Variants in CPEB1 observed in about 807,000 individuals in gnomAD.
CPEB1 encodes cytoplasmic polyadenylation element-binding protein 1.
A neutral mutation model predicts 65.8 loss-of-function variants in CPEB1; 7 were observed. The observed-to-expected ratio is 0.11, with a 90% confidence interval of 0.06 to 0.20. The LOEUF is 0.20. Ranked by LOEUF, CPEB1 falls within the 10% of genes least tolerant of loss-of-function variation. The pLI, the probability that CPEB1 is intolerant of heterozygous loss-of-function variation, is 1.00. For synonymous variants in CPEB1, 262 were observed against 260.0 expected, an observed-to-expected ratio of 1.01 and a Z score of -0.08; for missense variants, 551 against 712.2, an observed-to-expected ratio of 0.77 and a Z score of 2.58.
intron 3 of CPEB1, among the ~76,000 whole-genome samples, chr15:82,608,685 G>A (rs560031027): frequency 6.6e-6 from 1 of 152,222 alleles, no homozygotes; most frequent in East Asian, 1.9e-4. Context: ...TTTTTTGCTA[G>A]TGTTCTCATT....
chr15:82,625,842 G>C (rs2045718911), intron 3 of CPEB1, among the ~76,000 whole-genome samples: 1 of 152,204 alleles, frequency 6.6e-6, no homozygotes, highest in African/African-American at 2.4e-5. Flanking sequence ...AAACAGGCCA[G>C]GCACAGTGGC....
chr15:82,643,604 G>C (rs1183079439), intron 1 of CPEB1, among the ~76,000 whole-genome samples: 2 of 151,690 alleles, frequency 1.3e-5, no homozygotes, highest in Non-Finnish European at 2.9e-5. Flanking sequence ...ACTCCAGCTT[G>C]GGCAACAGAG....
chr15:82,590,558 T>TA (rs2042168942), intron 3 of CPEB1, among the ~76,000 whole-genome samples: 2 of 152,264 alleles, frequency 1.3e-5, no homozygotes, highest in East Asian at 3.9e-4. Context: ...GTTATATGAG[T>TA]AAACTCGTGA....
chr15:82,615,916 C>CA (rs1016556450), intron 3 of CPEB1, among the ~76,000 whole-genome samples: 9 of 151,658 alleles, frequency 5.9e-5, no homozygotes, highest in African/African-American at 2.2e-4. Context: ...TTTATAATAG[C>CA]AAAAAATATA....
intron 4 of CPEB1, among the ~76,000 whole-genome samples, chr15:82,559,367 G>C (rs1277053443): frequency 2.0e-5 from 3 of 152,046 alleles, no homozygotes; most frequent in Non-Finnish European, 4.4e-5. Flanking sequence ...TTTAACACAG[G>C]GGAAACTGTA....
At chr15:82,623,919 T>C (rs765602059) in intron 3 of CPEB1, among the ~76,000 whole-genome samples, 4 of 152,182 alleles carry the variant, frequency 2.6e-5, no homozygotes, top group Non-Finnish European at 5.9e-5. Flanking sequence ...ATAGCTCTCC[T>C]ATCATTTACT....
At chr15:82,547,949 T>C (rs2035557387) in intron 10 of CPEB1, among the ~76,000 whole-genome samples, 1 of 152,192 alleles carries the variant, frequency 6.6e-6, no homozygotes, top group African/African-American at 2.4e-5. Context: ...GCCAGGATTA[T>C]AGGTATAAGC....
chr15:82,626,920 A>G (rs1381413101), intron 3 of CPEB1, among the ~76,000 whole-genome samples: 3 of 152,246 alleles, frequency 2.0e-5, no homozygotes, highest in Non-Finnish European at 4.4e-5. Context: ...GATCCACATT[A>G]TATCTCTTTA....
intron 1 of CPEB1, among the ~76,000 whole-genome samples, chr15:82,643,326 A>C (rs2047247808): frequency 6.6e-6 from 1 of 152,094 alleles, no homozygotes; most frequent in Admixed American, 6.5e-5. Context: ...TATGCTTTTT[A>C]CTCCTTTAAA....
At chr15:82,631,757 T>C (rs2046265128) in intron 1 of CPEB1, among the ~76,000 whole-genome samples, 2 of 152,262 alleles carry the variant, frequency 1.3e-5, no homozygotes, top group South Asian at 4.1e-4. Flanking sequence ...TCTTAATCAT[T>C]TGACTTAAAA....
chr15:82,575,507 T>C (rs1444218354), intron 3 of CPEB1, among the ~76,000 whole-genome samples: 2 of 152,068 alleles, frequency 1.3e-5, no homozygotes, highest in Admixed American at 6.5e-5. Context: ...CTCATCAAGA[T>C]ACCACTAAGA....
At chr15:82,580,849 C>CTTTTT (rs113794355) in intron 3 of CPEB1, among the ~76,000 whole-genome samples, 5 of 147,230 alleles carry the variant, frequency 3.4e-5, no homozygotes, top group Non-Finnish European at 4.5e-5. Flanking sequence ...TCCCCAATTT[C>CTTTTT]TTTTTTTTTT....
chr15:82,637,854 G>T, intron 1 of CPEB1: 1 of 341,250 alleles, frequency 2.9e-6, no homozygotes, highest in Non-Finnish European at 5.9e-6. Flanking sequence ...AATTACTCAA[G>T]AGCTTTTTGT....
chr15:82,570,267 A>C (rs759328981), intron 4 of CPEB1, among the ~76,000 whole-genome samples: 6 of 152,090 alleles, frequency 3.9e-5, no homozygotes, highest in Non-Finnish European at 8.8e-5. Context: ...AGAAATCAAC[A>C]AGACAGTACC....
chr15:82,569,513 G>A (rs116010495), intron 4 of CPEB1, among the ~76,000 whole-genome samples: 2 of 152,200 alleles, frequency 1.3e-5, no homozygotes, highest in Non-Finnish European at 2.9e-5. Flanking sequence ...GGGATGGAAA[G>A]TGGAAAAGAA....
intron 3 of CPEB1, among the ~76,000 whole-genome samples, chr15:82,608,756 G>C (rs989918688): frequency 4.1e-5 from 5 of 123,148 alleles, no homozygotes; most frequent in African/African-American, 1.7e-4. Flanking sequence ...ATATTACCCT[G>C]ATCATTGATT....
At chr15:82,571,727 C>G in intron 3 of CPEB1, 195 bp from the exon 4 acceptor site, 1 of 1,423,424 alleles carries the variant, frequency 7.0e-7, no homozygotes, top group African/African-American at 1.4e-5. Flanking sequence ...AGGCCCCCTC[C>G]CCTCACACAC....
At chr15:82,637,074 T>C (rs909795694) in intron 1 of CPEB1, among the ~76,000 whole-genome samples, 1 of 152,222 alleles carries the variant, frequency 6.6e-6, no homozygotes, top group Non-Finnish European at 1.5e-5. Context: ...GCTGCCTTGA[T>C]GCAGAAGAGG....
At position 82,557,939 on chromosome 15, in the gene CPEB1, G is replaced by C; in HGVS notation, c.508C>G (p.Pro170Ala). 1 of 1,613,684 alleles carries C rather than the reference G, an allele frequency of 6.2e-7. No individual in the cohort carries two copies. The highest frequency in any genetic ancestry group is 1.1e-5 in the South Asian group (1 of 91,042). Residue 170 changes from proline (P) to alanine (A), a missense_variant, in exon 5 of 13, where the codon CCC (proline) becomes GCC (alanine). Physicochemically the swap from Pro to Ala is conservative, Grantham distance 27. Around this residue, in one of 6 missense-constraint regions of CPEB1, gnomAD observed 223 missense variants for 228.6 expected, o/e 0.98. Coordinates refer to ENST00000684509, the MANE Select transcript of CPEB1 (RefSeq NM_001365242.1). Reference sequence around the variant, plus strand: ...GGATCCAGAGGCAGGAAGCTCAAGGGGGGTTTTCCTAGGACATTTCCCAGT... The same window carrying C: ...GGATCCAGAGGCAGGAAGCTCAAGGCGGGTTTTCCTAGGACATTTCCCAGT... ...NPLGNVLGKP[P>A]LSFLPLDPLG... is the part of the protein sequence containing the mutation.
Sources: gnomAD v4.1 joint callset for allele counts (sites outside exome capture counted in the v4.1 genomes callset) on GRCh38, gnomAD v4.1.1 for gene constraint, gnomAD v4.1.1 regional missense constraint, MANE v1.5 for transcripts, NCBI Gene and HGNC (gene_info 2026-07-23, HGNC 2026-07-21) for gene names.